KAZN: variants seen among roughly 807,000 people sequenced by gnomAD.
KAZN encodes kazrin, periplakin interacting protein.
In KAZN, 40 loss-of-function variants were observed where a neutral mutation model predicts 87.4. The observed-to-expected ratio is 0.46, with a 90% CI of 0.36 to 0.60. The LOEUF is 0.60. Among genes scored for constraint, KAZN ranks in the 20% least tolerant of loss-of-function variants. KAZN has a pLI of 0.00. For missense variants in KAZN, 898 were observed against 1,073.9 expected (o/e 0.84, Z 2.29); for synonymous variants, 466 against 458.3 (o/e 1.02, Z -0.22).
rs543579651 is a variant in KAZN, at chr1:14,899,567, C to T, written c.227-61117C>T. On this transcript the variant is annotated intron_variant, in intron 1 of 14. Transcript: ENST00000376030. ...GACATTTTGTCTGCATATCTGACTT[C>T]CTATCCGTATGGTAGACATCAATGT... Among the ~76,000 whole-genome samples the T allele has an allele frequency of 5.4e-3, 817 of 152,296 alleles. 3 individuals carry two copies. Among genetic ancestry groups the T allele is most frequent in the South Asian group, 0.027 (131 of 4,828 alleles).
At chr1:14,501,918 A>G (rs892266191) in intron 2 of KAZN, among the ~76,000 whole-genome samples, 1 of 152,216 alleles carries the variant, frequency 6.6e-6, no homozygotes, top group Non-Finnish European at 1.5e-5. Context: ...GAATAGCCAA[A>G]TCAATAGAAA....
At chr1:14,927,463 C>T (rs1398690178) in intron 1 of KAZN, among the ~76,000 whole-genome samples, 37 of 151,994 alleles carry the variant, frequency 2.4e-4, no homozygotes, top group Admixed American at 2.3e-3. Flanking sequence ...AAAATAAAGC[C>T]GGGGAGGGGT....
intron 1 of KAZN, among the ~76,000 whole-genome samples, chr1:14,733,929 C>T (rs1247587682): frequency 2.6e-5 from 4 of 152,204 alleles, no homozygotes; most frequent in Admixed American, 2.0e-4. Context: ...AGACTGCTGT[C>T]GGTTCCCGGC....
chr1:13,966,686 A>C (rs543928602), intron 1 of KAZN, among the ~76,000 whole-genome samples: 1 of 152,270 alleles, frequency 6.6e-6, no homozygotes, highest in Non-Finnish European at 1.5e-5. Context: ...TGGCTATCTG[A>C]GTTGAGATGT....
chr1:14,126,105 T>C (rs1161335503), intron 1 of KAZN, among the ~76,000 whole-genome samples: 1 of 152,180 alleles, frequency 6.6e-6, no homozygotes. Context: ...TTTATATATG[T>C]AGCAGCTTTT....
At chr1:14,633,953 T>C (rs1182671269) in intron 1 of KAZN, among the ~76,000 whole-genome samples, 1 of 152,078 alleles carries the variant, frequency 6.6e-6, no homozygotes, top group African/African-American at 2.4e-5. Context: ...TTGCTTACAA[T>C]AGAACCTGAC....
intron 2 of KAZN, among the ~76,000 whole-genome samples, chr1:14,374,455 G>T (rs148816553): frequency 6.6e-6 from 1 of 152,150 alleles, no homozygotes; most frequent in Non-Finnish European, 1.5e-5. Flanking sequence ...GAGGAGCTTC[G>T]GGAAAATATC....
At chr1:14,124,010 G>A (rs534970959) in intron 1 of KAZN, among the ~76,000 whole-genome samples, 70 of 152,204 alleles carry the variant, frequency 4.6e-4, no homozygotes, top group African/African-American at 1.6e-3. Flanking sequence ...CATTCATTCC[G>A]ACCCAGGTAA....
At chr1:14,590,662 C>A (rs570646788) in intron 2 of KAZN, among the ~76,000 whole-genome samples, 4 of 152,238 alleles carry the variant, frequency 2.6e-5, no homozygotes, top group South Asian at 4.1e-4. Flanking sequence ...AGAATGAGAG[C>A]TACCATCACA....
chr1:14,559,715 C>G (rs1674138802), intron 2 of KAZN, among the ~76,000 whole-genome samples: 1 of 152,160 alleles, frequency 6.6e-6, no homozygotes, highest in Admixed American at 6.5e-5. Context: ...TAAGGATCCC[C>G]CACTGTCTCC....
intron 1 of KAZN, among the ~76,000 whole-genome samples, chr1:14,697,045 C>G (rs11584846): frequency 0.25 from 37,808 of 150,724 alleles, 5,433 homozygotes; most frequent in Middle Eastern, 0.36. Flanking sequence ...AACCCCAGCA[C>G]TTTGGGAGGC....
intron 1 of KAZN, among the ~76,000 whole-genome samples, chr1:14,942,288 G>A (rs1053511604): frequency 1.9e-4 from 29 of 152,196 alleles, no homozygotes; most frequent in African/African-American, 5.5e-4. Flanking sequence ...CAGATGTGTC[G>A]GGAAAGAGGA....
chr1:13,912,416 C>T (rs1418080957), intron 1 of KAZN, among the ~76,000 whole-genome samples: 4 of 152,102 alleles, frequency 2.6e-5, no homozygotes, highest in East Asian at 1.9e-4. Flanking sequence ...CAATAAGTGC[C>T]ATTGAAGATA....
chr1:14,637,920 G>T (rs891717640), intron 1 of KAZN, among the ~76,000 whole-genome samples: 22 of 152,074 alleles, frequency 1.4e-4, no homozygotes, highest in Non-Finnish European at 3.1e-4. Context: ...TGCCAGCAGG[G>T]TTGGCTCATT....
chr1:14,370,479 A>G (rs1194184469), intron 2 of KAZN, among the ~76,000 whole-genome samples: 1 of 152,146 alleles, frequency 6.6e-6, no homozygotes, highest in East Asian at 1.9e-4. Context: ...GAAGACCAAG[A>G]GGGTGGTTTG....
chr1:14,005,230 G>A (rs1214726482), intron 1 of KAZN, among the ~76,000 whole-genome samples: 1 of 152,198 alleles, frequency 6.6e-6, no homozygotes, highest in African/African-American at 2.4e-5. Context: ...TGTGGAGAGA[G>A]AGTTAGGTGG....
chr1:14,450,653 A>G (rs1028323647), intron 2 of KAZN, among the ~76,000 whole-genome samples: 1 of 152,132 alleles, frequency 6.6e-6, no homozygotes, highest in Non-Finnish European at 1.5e-5. Flanking sequence ...CCATTGTGAT[A>G]TTGTGACGAT....
At chr1:14,578,098 C>G (rs781220782) in intron 2 of KAZN, among the ~76,000 whole-genome samples, 1 of 152,064 alleles carries the variant, frequency 6.6e-6, no homozygotes, top group Non-Finnish European at 1.5e-5. Flanking sequence ...TGAGCTCCTT[C>G]GGATTGGACG....
Position 14,322,050 on chromosome 1 carries a change from A to G in KAZN, c.249+141458A>G, listed in dbSNP as rs549407855. On this transcript the variant is annotated intron_variant, in intron 2 of 16. Transcript: ENST00000636203. ...TAGCTAAATATGATTGTGAAGACTC[A>G]GGACTTAATTTTTGAAGCTCAACTT... Among the ~76,000 whole-genome samples the G allele has an allele frequency of 3.9e-5, 6 of 152,294 alleles. No homozygotes were observed. In the South Asian group the frequency reaches 1.0e-3, roughly 26 times the overall value.
Sources: gnomAD v4.1 joint callset for allele counts (sites outside exome capture counted in the v4.1 genomes callset) on GRCh38, gnomAD v4.1.1 for gene constraint, MANE v1.5 for transcripts, NCBI Gene and HGNC (gene_info 2026-07-23, HGNC 2026-07-21) for gene names.